The following FIG4 variants were observed in gnomAD, a reference collection of about 807,000 sequenced individuals.
The protein encoded by FIG4 is FIG4 phosphoinositide 5-phosphatase, also known as polyphosphoinositide phosphatase.
In FIG4, 112 loss-of-function variants were observed where a neutral mutation model predicts 118.6. The ratio of observed to expected loss-of-function variants is 0.94; its 90% CI spans 0.81 to 1.11. The LOEUF is 1.11. Ranked by LOEUF, FIG4 falls within the 50% of genes least tolerant of loss-of-function variation. The pLI, the probability that FIG4 is intolerant of heterozygous loss-of-function variation, is 0.00. For synonymous variants in FIG4, 369 were observed against 381.2 expected, an observed-to-expected ratio of 0.97 and a Z score of 0.37; for missense variants, 969 against 1,111.7, an observed-to-expected ratio of 0.87 and a Z score of 1.83.
intron 10 of FIG4, among the ~76,000 whole-genome samples, chr6:109,747,420 A>T (rs893243702): frequency 3.9e-5 from 6 of 152,146 alleles, no homozygotes; most frequent in African/African-American, 1.4e-4. Context: ...TGTGTCAGGA[A>T]TGCCAGGAGA....
At position 109,821,896 on chromosome 6, in the gene FIG4, C is replaced by T. The variant is rs530355492; in HGVS notation, c.2547-3192C>T. ...TGTAAGAAAAAGAAAAGTGAGAGGC[C>T]GGGTTCAGTGGCTCGAGCCTGTAAT... On this transcript the variant is annotated intron_variant, in intron 22 of 22. Transcript: ENST00000230124. Among the ~76,000 whole-genome samples the T allele has an allele frequency of 1.7e-4, 26 of 152,170 alleles. 1 individual carries two copies. Among genetic ancestry groups the T allele is most frequent in the Admixed American group, 1.2e-3 (19 of 15,258 alleles).
At chr6:109,726,544 G>T (rs2128383884) in intron 3 of FIG4, among the ~76,000 whole-genome samples, 1 of 152,210 alleles carries the variant, frequency 6.6e-6, no homozygotes, top group Middle Eastern at 3.4e-3. Flanking sequence ...GATGCCTCCA[G>T]CTTTGTTCTT....
intron 15 of FIG4, among the ~76,000 whole-genome samples, chr6:109,768,582 A>G (rs1453509075): frequency 6.6e-6 from 1 of 152,164 alleles, no homozygotes; most frequent in Non-Finnish European, 1.5e-5. Context: ...CCATTGAGAA[A>G]GAACCACTTC....
At chr6:109,697,378 G>A (rs1774761563) in intron 1 of FIG4, among the ~76,000 whole-genome samples, 1 of 152,120 alleles carries the variant, frequency 6.6e-6, no homozygotes. Flanking sequence ...GATTCAACTG[G>A]GTTGCAGTCA....
At chr6:109,766,674 A>G (rs1777288762) in intron 14 of FIG4, 55 bp from the exon 15 acceptor site, 3 of 1,509,606 alleles carry the variant, frequency 2.0e-6, no homozygotes, top group Non-Finnish European at 1.8e-6. Context: ...GGCTAAGTGA[A>G]TAACTTGTGC....
chr6:109,745,211 C>T (rs1334506722), intron 10 of FIG4, among the ~76,000 whole-genome samples: 2 of 152,134 alleles, frequency 1.3e-5, no homozygotes, highest in Non-Finnish European at 2.9e-5. Context: ...CTTGAGGAAT[C>T]GTCACACTGT....
intron 1 of FIG4, among the ~76,000 whole-genome samples, chr6:109,704,433 A>T (rs1314661168): frequency 6.6e-6 from 1 of 152,148 alleles, no homozygotes; most frequent in Non-Finnish European, 1.5e-5. Flanking sequence ...AGGCAGGTGG[A>T]TCATTTGAGG....
At chr6:109,717,834 G>T (rs1775480629) in intron 3 of FIG4, among the ~76,000 whole-genome samples, 1 of 152,184 alleles carries the variant, frequency 6.6e-6, no homozygotes, top group Non-Finnish European at 1.5e-5. Context: ...TTGTATTTTA[G>T]CATCTCTGCT....
chr6:109,809,035 A>G (rs1176485942), intron 22 of FIG4, among the ~76,000 whole-genome samples: 2 of 152,204 alleles, frequency 1.3e-5, no homozygotes, highest in African/African-American at 4.8e-5. Context: ...TGGATAAGAG[A>G]GTATGAGAAG....
intron 22 of FIG4, among the ~76,000 whole-genome samples, chr6:109,814,292 C>A (rs1778799042): frequency 6.8e-6 from 1 of 146,296 alleles, no homozygotes; most frequent in South Asian, 2.4e-4. Flanking sequence ...GCACATGCCA[C>A]CACACCCAGC....
At chr6:109,723,640 G>T (rs139764161) in intron 3 of FIG4, among the ~76,000 whole-genome samples, 1 of 152,296 alleles carries the variant, frequency 6.6e-6, no homozygotes, top group Non-Finnish European at 1.5e-5. Flanking sequence ...AATGCTGCAT[G>T]ATTCTATTTT....
intron 10 of FIG4, among the ~76,000 whole-genome samples, chr6:109,745,700 A>G (rs991514864): frequency 4.6e-5 from 7 of 152,176 alleles, no homozygotes; most frequent in Admixed American, 6.6e-5. Flanking sequence ...TGTTTTAGTC[A>G]TGAAGTCTTT....
chr6:109,728,243 G>T (rs567946497), intron 4 of FIG4, among the ~76,000 whole-genome samples: 34 of 152,286 alleles, frequency 2.2e-4, no homozygotes, highest in African/African-American at 7.9e-4. Context: ...GATAATATTT[G>T]TTTATGTGTT....
In FIG4 at chr6:109,795,893, G is replaced by A. The variant is rs148985688; in HGVS notation, c.2460-872G>A. On this transcript the variant is annotated intron_variant, in intron 21 of 22. Coordinates refer to ENST00000230124, the MANE Select transcript of FIG4 (RefSeq NM_014845.6). ...TGGGATTACAGGCATGAGCCACTGC[G>A]CGTGGCCTGGAAATCAGTTCTTCAG... Among the ~76,000 whole-genome samples, 1,146 of 152,234 alleles carry A rather than the reference G, an allele frequency of 7.5e-3. 19 individuals carry two copies. The highest frequency in any genetic ancestry group is 0.027 in the African/African-American group (1,108 of 41,540).
intron 6 of FIG4, 122 bp downstream of exon 6, chr6:109,735,420 G>A: frequency 2.2e-6 from 2 of 921,412 alleles, no homozygotes; most frequent in African/African-American, 1.6e-5. Flanking sequence ...CCTTACGTGG[G>A]GTTGTTTTGG....
chr6:109,755,378 AGGTGT>A (rs984863678), intron 10 of FIG4, among the ~76,000 whole-genome samples: 1 of 152,160 alleles, frequency 6.6e-6, no homozygotes, highest in Non-Finnish European at 1.5e-5. Context: ...ATTTTGGAAT[AGGTGT>A]GGTGTGGTGC....
At position 109,825,158 on chromosome 6, in the gene FIG4, A is replaced by T; in HGVS notation, c.2617A>T (p.Thr873Ser). ...VQPPRVDRKS[T>S]EIFQAHIQAS... is the part of the protein sequence containing the mutation. ...GCCCCCAAGAGTAGACAGAAAATCT[A>T]CAGAGATCTTCCAAGCCCACATCCA... The change falls in exon 23 of 23, where the codon ACA becomes TCA. Residue 873 changes from threonine to serine, a missense_variant. Thr to Ser is a moderately conservative substitution (Grantham distance 58, BLOSUM62 1). Coordinates refer to ENST00000230124, the MANE Select transcript of FIG4 (RefSeq NM_014845.6). 1 of 1,614,014 alleles carries T rather than the reference A, an allele frequency of 6.2e-7. No homozygotes were observed. The highest frequency in any genetic ancestry group is 8.5e-7 in the Non-Finnish European group (1 of 1,179,866).
At chr6:109,817,273 G>A (rs988551265) in intron 22 of FIG4, among the ~76,000 whole-genome samples, 2 of 152,154 alleles carry the variant, frequency 1.3e-5, no homozygotes, top group East Asian at 1.9e-4. Context: ...AACAACAGCC[G>A]AAATGTTTGA....
chr6:109,794,171 T>C (rs1470109284), intron 21 of FIG4, among the ~76,000 whole-genome samples: 1 of 152,220 alleles, frequency 6.6e-6, no homozygotes. Context: ...CCTCCTTTCA[T>C]TGTATAACAG....
Sources: allele counts gnomAD v4.1 joint callset (sites outside exome capture counted in the v4.1 genomes callset), GRCh38; gene constraint gnomAD v4.1.1; transcripts MANE v1.5; gene names NCBI Gene and HGNC (gene_info 2026-07-23, HGNC 2026-07-21).